Variants in KIFAP3 observed in about 807,000 individuals in gnomAD.
The protein encoded by KIFAP3 is kinesin-associated protein 3.
In KIFAP3, 68 loss-of-function variants were observed where a neutral mutation model predicts 106.5. The ratio of observed to expected loss-of-function variants is 0.64; its 90% CI spans 0.53 to 0.78. The LOEUF (loss-of-function observed/expected upper bound fraction) is 0.78. KIFAP3 is among the 30% of genes least tolerant of loss of function. KIFAP3 has a pLI of 0.00. For synonymous variants in KIFAP3, 320 were observed against 311.5 expected (o/e 1.03, Z -0.29); for missense variants, 780 against 941.8 (o/e 0.83, Z 2.25).
chr1:169,924,337 G>T (rs976755626), intron 19 of KIFAP3, among the ~76,000 whole-genome samples: 1 of 152,164 alleles, frequency 6.6e-6, no homozygotes, highest in Admixed American at 6.5e-5. Context: ...GTGTATTACA[G>T]TGTAGAGGAT....
Position 169,983,373 on chromosome 1 carries a change from A to G in KIFAP3, c.1403T>C (p.Leu468Pro). 6.2e-7 allele frequency: 1 copy of G among 1,603,152 alleles called. No homozygotes were observed. Among genetic ancestry groups the G allele is most frequent in the Middle Eastern group, 1.7e-4 (1 of 6,038 alleles). Residue 468 changes from leucine (L) to proline (P), a missense_variant, in exon 13 of 20, where the codon CTG (leucine) becomes CCG (proline). By Grantham distance (98) the Leu-to-Pro change is moderately conservative. This residue lies in a region of KIFAP3 where 588 missense variants were observed against 678.9 expected (regional missense o/e 0.87). Transcript: ENST00000361580. ...NVQLICEGNGLKMLMKRALKF... is the reference protein window; with the variant it reads ...NVQLICEGNGPKMLMKRALKF... ...CAGAGCCCTCTTCATGAGCATCTTC[A>G]GCCCATTTCCTGAAACAGAAAAGTC...
At chr1:170,024,709 A>C in intron 8 of KIFAP3, 113 bp from the exon 9 acceptor site, 1 of 556,516 alleles carries the variant, frequency 1.8e-6, no homozygotes, top group Non-Finnish European at 2.9e-6. Flanking sequence ...GTAATATATT[A>C]TTTTGAAAAT....
At chr1:170,012,487 A>G (rs1668290503) in intron 10 of KIFAP3, among the ~76,000 whole-genome samples, 1 of 152,196 alleles carries the variant, frequency 6.6e-6, no homozygotes, top group Admixed American at 6.6e-5. Context: ...ATTTAAAATT[A>G]CGTTCAAGAT....
rs779513599 is a variant in KIFAP3 at position 169,954,015 on chromosome 1, C to T, written c.2269G>A (p.Gly757Ser). 1 of 1,610,014 alleles carries T rather than the reference C, an allele frequency of 6.2e-7. No homozygotes were observed. Among genetic ancestry groups the T allele is most frequent in the South Asian group, 1.1e-5 (1 of 90,992 alleles). Residue 757 changes from glycine (G) to serine (S), a missense_variant, in exon 19 of 20, where the codon GGC becomes AGC. Transcript: ENST00000361580. Reference sequence around the variant, plus strand: ...TTTTCTTGGAAAACTGTTTACCTGCCAGGAAATGAATGCTGCCCAACAACA... The same window carrying T: ...TTTTCTTGGAAAACTGTTTACCTGCTAGGAAATGAATGCTGCCCAACAACA... ...GDVVGQHSFPGSLGMDGFGQP... is the reference protein window; with the variant it reads ...GDVVGQHSFPSSLGMDGFGQP...
intron 1 of KIFAP3, among the ~76,000 whole-genome samples, chr1:170,063,821 T>C (rs1474663661): frequency 6.6e-6 from 1 of 152,200 alleles, no homozygotes; most frequent in African/African-American, 2.4e-5. Context: ...AAATTGTGTT[T>C]CAAATTCAGT....
chr1:169,954,265 G>C (rs1270078183), intron 18 of KIFAP3, among the ~76,000 whole-genome samples, 155 bp from the exon 19 acceptor site: 2 of 152,216 alleles, frequency 1.3e-5, no homozygotes, highest in Non-Finnish European at 2.9e-5. Flanking sequence ...ACAGACAACT[G>C]TATGTACCTT....
chr1:169,942,719 A>T (rs1488063658), intron 19 of KIFAP3, among the ~76,000 whole-genome samples: 1 of 152,220 alleles, frequency 6.6e-6, no homozygotes, highest in African/African-American at 2.4e-5. Flanking sequence ...CATGGACTGG[A>T]AACTAAATAA....
chr1:169,983,368 T>C lies in KIFAP3; in HGVS notation c.1408A>G (p.Met470Val). 6.2e-7 allele frequency: 1 copy of C among 1,604,354 alleles called. No homozygotes were observed. The highest frequency in any genetic ancestry group is 8.5e-7 in the Non-Finnish European group (1 of 1,174,866). The change falls in exon 13 of 20, where the codon ATG becomes GTG. Residue 470 changes from methionine to valine, a missense_variant. Met to Val is a conservative substitution (Grantham distance 21). Transcript: ENST00000361580. ...AACTTCAGAGCCCTCTTCATGAGCA[T>C]CTTCAGCCCATTTCCTGAAACAGAA... is the stretch of plus-strand genomic sequence containing the variant. Reference protein sequence around the residue: ...QLICEGNGLKMLMKRALKFKD... With the variant: ...QLICEGNGLKVLMKRALKFKD...
intron 2 of KIFAP3, among the ~76,000 whole-genome samples, chr1:170,054,428 A>G (rs1164464838): frequency 6.6e-6 from 1 of 152,216 alleles, no homozygotes; most frequent in Non-Finnish European, 1.5e-5. Context: ...AGAACCAGAA[A>G]TACCATTTGA....
chr1:169,922,732 T>C (rs1241499478), intron 19 of KIFAP3, among the ~76,000 whole-genome samples: 1 of 152,168 alleles, frequency 6.6e-6, no homozygotes, highest in Non-Finnish European at 1.5e-5. Flanking sequence ...TTCCAATCAA[T>C]GGACACCATT....
chr1:169,996,064 T>A (rs1384664651), intron 10 of KIFAP3, among the ~76,000 whole-genome samples: 1 of 152,070 alleles, frequency 6.6e-6, no homozygotes, highest in African/African-American at 2.4e-5. Flanking sequence ...GATATAACAA[T>A]TTATATTAAT....
chr1:169,992,279 T>C, intron 10 of KIFAP3, 24 bp from the exon 11 acceptor site: 2 of 1,289,940 alleles, frequency 1.6e-6, no homozygotes, highest in South Asian at 2.7e-5. Flanking sequence ...ATCATGGTGA[T>C]GATGCTATAA....
intron 8 of KIFAP3, among the ~76,000 whole-genome samples, chr1:170,026,616 A>G (rs1557846893): frequency 6.6e-6 from 1 of 152,248 alleles, no homozygotes; most frequent in African/African-American, 2.4e-5. Context: ...GAAAGAGCTG[A>G]GCAGAGAGAA....
In KIFAP3 at chr1:169,984,696, A is replaced by G. The variant is rs759698710; in HGVS notation, c.1285-6T>C. ...TCAAACAGCATCTTCATTAACTAGC[A>G]AGAAGCACAGGGCACATTTTACTCA... On this transcript the variant is annotated splice_region_variant and splice_polypyrimidine_tract_variant and intron_variant, in intron 11 of 19. Coordinates refer to ENST00000361580, the MANE Select transcript of KIFAP3 (RefSeq NM_014970.4). 6.6e-7 allele frequency: 1 copy of G among 1,521,610 alleles called. No individual in the cohort carries two copies. Among genetic ancestry groups the G allele is most frequent in the Admixed American group, 1.7e-5 (1 of 58,272 alleles). The allele number at this position is 1,521,610 out of a possible 1,614,324, so 94.3% of individuals were successfully genotyped here. A position where few individuals can be genotyped will look rare whatever the true frequency, so the allele number is the denominator to read the frequency against.
At chr1:170,000,291 T>C (rs1667596109) in intron 10 of KIFAP3, among the ~76,000 whole-genome samples, 1 of 152,182 alleles carries the variant, frequency 6.6e-6, no homozygotes, top group Non-Finnish European at 1.5e-5. Flanking sequence ...CTATGTCTTC[T>C]TCTTTCAAAG....
intron 14 of KIFAP3, 134 bp from the exon 15 acceptor site, chr1:169,982,231 T>C (rs1666561628): frequency 1.1e-5 from 10 of 941,358 alleles, no homozygotes; most frequent in African/African-American, 1.7e-5. Context: ...TGATATGCTA[T>C]AAATTTGTCC....
intron 10 of KIFAP3, among the ~76,000 whole-genome samples, chr1:169,999,385 A>C (rs1279534519): frequency 6.6e-6 from 1 of 152,226 alleles, no homozygotes; most frequent in Non-Finnish European, 1.5e-5. Flanking sequence ...AGACATAAAG[A>C]CATCAATTAT....
At chr1:169,943,494 A>C (rs1440832559) in intron 19 of KIFAP3, among the ~76,000 whole-genome samples, 1 of 152,180 alleles carries the variant, frequency 6.6e-6, no homozygotes, top group Admixed American at 6.5e-5. Flanking sequence ...AAAAGATGAC[A>C]TGCTCTATTT....
intron 10 of KIFAP3, among the ~76,000 whole-genome samples, chr1:170,001,417 T>C (rs1376940131): frequency 6.6e-6 from 1 of 152,252 alleles, no homozygotes; most frequent in East Asian, 1.9e-4. Context: ...TTGATTTAAT[T>C]GGGAAAACAG....
Sources: gnomAD v4.1 joint callset for allele counts (sites outside exome capture counted in the v4.1 genomes callset) on GRCh38, gnomAD v4.1.1 for gene constraint, gnomAD v4.1.1 regional missense constraint, MANE v1.5 for transcripts, NCBI Gene and HGNC (gene_info 2026-07-23, HGNC 2026-07-21) for gene names.